Variants in RNF180 observed in about 807,000 individuals in gnomAD.
The protein encoded by RNF180 is ring finger protein 180, also known as E3 ubiquitin-protein ligase RNF180.
In RNF180, 38 loss-of-function variants were observed where a neutral mutation model predicts 59.2. The observed-to-expected ratio is 0.64, with a 90% CI of 0.50 to 0.84. The LOEUF (loss-of-function observed/expected upper bound fraction) is 0.84. RNF180 is among the 40% of genes least tolerant of loss of function. RNF180 has a pLI of 0.00. For synonymous variants in RNF180, 262 were observed against 240.3 expected (o/e 1.09, Z -0.84); for missense variants, 705 against 700.9 (o/e 1.01, Z -0.07).
At position 64,357,757 on chromosome 5, in the gene RNF180, C is replaced by T. The variant is rs559576884; in HGVS notation, c.1580-11858C>T. Among the ~76,000 whole-genome samples the T allele has an allele frequency of 6.6e-5, 10 of 151,848 alleles. No individual in the cohort carries two copies. The South Asian group carries it at 2.1e-3, about 32-fold the overall frequency. Reference sequence around the variant, plus strand: ...ACAAGCTTCAAAATAATAGAGTTCACTTTATGGTCTTTGATGGCGAATATA... The same window carrying T: ...ACAAGCTTCAAAATAATAGAGTTCATTTTATGGTCTTTGATGGCGAATATA... On this transcript the variant is annotated intron_variant, in intron 7 of 7. Coordinates refer to ENST00000389100, the MANE Select transcript of RNF180 (RefSeq NM_001113561.2).
Position 64,342,455 on chromosome 5 carries a change from T to C in RNF180, c.1579+12049T>C, listed in dbSNP as rs181691300. 2.6e-5 allele frequency among the ~76,000 whole-genome samples: 4 copies of C among 152,216 alleles called. No individual in the cohort carries two copies. The East Asian group carries it at 5.8e-4, about 22-fold the overall frequency. On this transcript the variant is annotated intron_variant, in intron 7 of 7. Coordinates refer to ENST00000389100, the MANE Select transcript of RNF180 (RefSeq NM_001113561.2). ...GGATTGGAAGAGGAGTCCAAACATA[T>C]AGCCGATTTTCTACATGAGACATTT...
chr5:64,194,466 C>G (rs979314408), intron 1 of RNF180, among the ~76,000 whole-genome samples: 1 of 152,074 alleles, frequency 6.6e-6, no homozygotes, highest in Non-Finnish European at 1.5e-5. Flanking sequence ...AATAAACATC[C>G]GTGTGCATGT....
intron 5 of RNF180, among the ~76,000 whole-genome samples, chr5:64,253,968 A>C (rs1743762128): frequency 6.6e-6 from 1 of 152,066 alleles, no homozygotes; most frequent in Admixed American, 6.6e-5. Flanking sequence ...TTTTATATTA[A>C]ATTTACCCTT....
intron 1 of RNF180, among the ~76,000 whole-genome samples, chr5:64,185,527 G>GT (rs954134092): frequency 1.3e-5 from 2 of 152,174 alleles, no homozygotes; most frequent in African/African-American, 4.8e-5. Flanking sequence ...TTCTAATTAG[G>GT]TTTTTTTCCC....
At chr5:64,319,929 T>C (rs1472454766) in intron 5 of RNF180, among the ~76,000 whole-genome samples, 2 of 152,248 alleles carry the variant, frequency 1.3e-5, no homozygotes, top group Admixed American at 1.3e-4. Context: ...TTCATTAAAA[T>C]GATCTGAACA....
intron 1 of RNF180, among the ~76,000 whole-genome samples, chr5:64,199,065 G>A (rs938788536): frequency 3.9e-5 from 6 of 152,148 alleles, no homozygotes; most frequent in Admixed American, 3.9e-4. Flanking sequence ...TGATCCACCC[G>A]CCTTGGCCTC....
At chr5:64,177,533 A>G (rs1432415043) in intron 1 of RNF180, among the ~76,000 whole-genome samples, 1 of 29,546 alleles carries the variant, frequency 3.4e-5, no homozygotes, top group Non-Finnish European at 6.5e-5. Context: ...TGCCATATAT[A>G]TATATATATA....
At chr5:64,243,696 T>G (rs1416245786) in intron 5 of RNF180, among the ~76,000 whole-genome samples, 2 of 152,152 alleles carry the variant, frequency 1.3e-5, no homozygotes, top group African/African-American at 2.4e-5. Context: ...GCCTGCCAGC[T>G]CTGAAGAGAG....
At chr5:64,324,993 A>G (rs1744562402) in intron 5 of RNF180, among the ~76,000 whole-genome samples, 193 bp from the exon 6 acceptor site, 1 of 152,204 alleles carries the variant, frequency 6.6e-6, no homozygotes, top group African/African-American at 2.4e-5. Context: ...TACTAAAAAG[A>G]AAAATAGGCT....
At chr5:64,309,294 G>A (rs984175389) in intron 5 of RNF180, among the ~76,000 whole-genome samples, 12 of 151,756 alleles carry the variant, frequency 7.9e-5, no homozygotes, top group African/African-American at 2.9e-4. Flanking sequence ...TACTATATTA[G>A]CATAATTTAT....
In RNF180 at chr5:64,217,358, T is replaced by C; in HGVS notation, c.1192-3T>C. The C allele has an allele frequency of 7.1e-7, 1 of 1,402,006 alleles. No homozygotes were observed. The highest frequency in any genetic ancestry group is 9.3e-7 in the Non-Finnish European group (1 of 1,073,928). The allele number at this position is 1,402,006 out of a possible 1,614,324, so 86.8% of individuals were successfully genotyped here. A position where few individuals can be genotyped will look rare whatever the true frequency, so the allele number is the denominator to read the frequency against. ...GTGTGAACCTAATTTTTTATTTCTC[T>C]AGGGTAAATACTCAGGAGTGGGATT... On this transcript the variant is annotated splice_region_variant and splice_polypyrimidine_tract_variant and intron_variant, in intron 4 of 7. Transcript: ENST00000389100.
At chr5:64,201,055 T>C (rs1751718673) in intron 2 of RNF180, 113 bp downstream of exon 2, 1 of 807,130 alleles carries the variant, frequency 1.2e-6, no homozygotes, top group Non-Finnish European at 1.9e-6. Context: ...TATAGTTCTT[T>C]GTCATGACTC....
chr5:64,262,796 A>G (rs957809519), intron 5 of RNF180, among the ~76,000 whole-genome samples: 6 of 152,114 alleles, frequency 3.9e-5, no homozygotes, highest in African/African-American at 1.2e-4. Context: ...GGGCTCCCCA[A>G]CATTTTTGTG....
intron 7 of RNF180, among the ~76,000 whole-genome samples, chr5:64,333,935 GA>G (rs1317702567): frequency 1.3e-5 from 2 of 152,152 alleles, no homozygotes; most frequent in Non-Finnish European, 2.9e-5. Flanking sequence ...AGCCAAAAAT[GA>G]AGGAGTTAAG....
chr5:64,198,885 G>A (rs1329384397), intron 1 of RNF180, among the ~76,000 whole-genome samples: 2 of 151,430 alleles, frequency 1.3e-5, no homozygotes, highest in East Asian at 3.9e-4. Context: ...GCACGATCTC[G>A]GCCCACTGCC....
chr5:64,328,132 A>G (rs1003680758), intron 6 of RNF180, among the ~76,000 whole-genome samples: 1 of 152,148 alleles, frequency 6.6e-6, no homozygotes. Context: ...GACACACCAC[A>G]TGGATCTCAT....
chr5:64,308,246 AT>A (rs1743573757), intron 5 of RNF180, among the ~76,000 whole-genome samples: 1 of 151,718 alleles, frequency 6.6e-6, no homozygotes, highest in African/African-American at 2.4e-5. Flanking sequence ...ACTAAAATTT[AT>A]TTGTAACTCC....
intron 3 of RNF180, among the ~76,000 whole-genome samples, chr5:64,212,929 C>T (rs1004888472): frequency 6.6e-6 from 1 of 152,188 alleles, no homozygotes; most frequent in Non-Finnish European, 1.5e-5. Flanking sequence ...TGCCAGTGCA[C>T]TGTTTATAAG....
chr5:64,222,908 C>T (rs1035442361), intron 5 of RNF180, among the ~76,000 whole-genome samples: 1 of 152,142 alleles, frequency 6.6e-6, no homozygotes, highest in African/African-American at 2.4e-5. Context: ...CATGAGTTAT[C>T]ACTGTTGATG....
Sources: allele counts gnomAD v4.1 joint callset (sites outside exome capture counted in the v4.1 genomes callset), GRCh38; gene constraint gnomAD v4.1.1; transcripts MANE v1.5; gene names NCBI Gene and HGNC (gene_info 2026-07-23, HGNC 2026-07-21).